The following VPS37B variants were observed in gnomAD, a reference collection of about 807,000 sequenced individuals.
The protein encoded by VPS37B is vacuolar protein sorting-associated protein 37B.
VPS37B carries 11 observed loss-of-function variants against 21.2 expected under a neutral mutation model. The ratio of observed to expected loss-of-function variants is 0.52; its 90% CI spans 0.33 to 0.86. VPS37B has a LOEUF of 0.86. VPS37B is among the 40% of genes least tolerant of loss of function. The pLI, the probability that VPS37B is intolerant of heterozygous loss-of-function variation, is 0.03. For synonymous variants in VPS37B, 175 were observed against 159.6 expected (o/e 1.10, Z -0.73); for missense variants, 389 against 374.8 (o/e 1.04, Z -0.31).
chr12:122,892,501 A>C (rs1593927900), intron 1 of VPS37B, among the ~76,000 whole-genome samples: 1 of 141,900 alleles, frequency 7.0e-6, no homozygotes, highest in East Asian at 2.0e-4. Context: ...CCTTCTGCCA[A>C]TTAAAAAAAA....
intron 2 of VPS37B, among the ~76,000 whole-genome samples, chr12:122,869,510 G>C (rs2033980112): frequency 6.6e-6 from 1 of 152,212 alleles, no homozygotes; most frequent in South Asian, 2.1e-4. Flanking sequence ...ATTCTGGTTT[G>C]GGTGTATGAT....
chr12:122,884,509 T>C (rs948856881), intron 1 of VPS37B: 3 of 152,234 alleles, frequency 2.0e-5, no homozygotes, highest in Non-Finnish European at 2.9e-5. Flanking sequence ...CATAGAACTA[T>C]TGTAATAAAA....
At chr12:122,871,271 C>T (rs1159668645) in intron 1 of VPS37B, 6 of 1,334,354 alleles carry the variant, frequency 4.5e-6, no homozygotes, top group African/African-American at 3.0e-5. Flanking sequence ...AGAATGAGGC[C>T]GACTTCCTTC....
chr12:122,865,450 G>C lies in VPS37B; in HGVS notation c.*1666C>G, dbSNP rs908277231. ...GGCCGCTTTGCAACTTCAATGCCAA[G>C]CTCACGTCTGGCTGCGACCGTGGCA... On this transcript the variant is annotated 3_prime_UTR_variant, in exon 4 of 4. Coordinates refer to ENST00000267202, the MANE Select transcript of VPS37B (RefSeq NM_024667.3). 6.6e-6 allele frequency: 1 copy of C among 152,286 alleles called. No homozygotes were observed. The highest frequency in any genetic ancestry group is 6.5e-5 in the Admixed American group (1 of 15,288). 9.4% of individuals were successfully genotyped at this position (152,286 alleles called of 1,614,324 possible).
Position 122,871,046 on chromosome 12 carries a change from G to A in VPS37B, c.127C>T (p.Leu43Phe), listed in dbSNP as rs1485585958. 1.9e-6 allele frequency: 3 copies of A among 1,614,126 alleles called. No homozygotes were observed. The African/African-American group carries it at 4.0e-5, about 22-fold the overall frequency. Reference sequence around the variant, plus strand: ...CTGGCAAGTGTCATTTCTTTGTTAAGCTGAACATTCTGTGTCTGCAAGGAA... The same window carrying A: ...CTGGCAAGTGTCATTTCTTTGTTAAACTGAACATTCTGTGTCTGCAAGGAA... Reference protein sequence around the residue: ...QKMEETQNVQLNKEMTLASNR... With the variant: ...QKMEETQNVQFNKEMTLASNR... Residue 43 changes from leucine (L) to phenylalanine (F), a missense_variant, in exon 2 of 4, where the codon CTT (leucine) becomes TTT (phenylalanine). By Grantham distance (22) the Leu-to-Phe change is conservative. Coordinates refer to ENST00000267202, the MANE Select transcript of VPS37B (RefSeq NM_024667.3).
At chr12:122,892,302 G>A (rs188378343) in intron 1 of VPS37B, among the ~76,000 whole-genome samples, 7 of 152,204 alleles carry the variant, frequency 4.6e-5, no homozygotes, top group Non-Finnish European at 1.5e-5. Context: ...CCGTAGCTCC[G>A]AAATCATGTT....
chr12:122,889,313 C>T (rs2034375649), intron 1 of VPS37B: 1 of 152,262 alleles, frequency 6.6e-6, no homozygotes, highest in Non-Finnish European at 1.5e-5. Flanking sequence ...GGTCCGAATA[C>T]CTCTCCCAGA....
In VPS37B at chr12:122,868,576, A is replaced by G; in HGVS notation, c.284-14T>C. ...TAGACTGTCTGTCTGGAAAAAAAGC[A>G]AGAGGTATGACAAAAGTGAGAGGTG... On this transcript the variant is annotated splice_polypyrimidine_tract_variant and intron_variant, in intron 2 of 3. Transcript: ENST00000267202. The surrounding 1 kb of genome is among the most constrained non-coding windows in gnomAD (Gnocchi z 5.5). The G allele has an allele frequency of 6.2e-7, 1 of 1,611,614 alleles. No individual in the cohort carries two copies. The highest frequency in any genetic ancestry group is 8.5e-7 in the Non-Finnish European group (1 of 1,179,018).
At chr12:122,877,557 A>G (rs1295774939) in intron 1 of VPS37B, 3 of 152,168 alleles carry the variant, frequency 2.0e-5, no homozygotes, top group Non-Finnish European at 4.4e-5. Flanking sequence ...ACAAGCAAGC[A>G]TCTTGTTAAA....
At chr12:122,870,039 C>CTTTTT (rs34470019) in intron 2 of VPS37B, 2 of 128,230 alleles carry the variant, frequency 1.6e-5, no homozygotes. Flanking sequence ...TTCAGTGATG[C>CTTTTT]TTTTTTTTTT....
In VPS37B at chr12:122,868,580, G is replaced by A. The variant is rs2135695910; in HGVS notation, c.284-18C>T. ...CTGTCTGTCTGGAAAAAAAGCAAGA[G>A]GTATGACAAAAGTGAGAGGTGTCCA... On this transcript the variant is annotated intron_variant, in intron 2 of 3. Transcript: ENST00000267202. The surrounding 1 kb of genome is among the most constrained non-coding windows in gnomAD (Gnocchi z 5.5). The A allele has an allele frequency of 4.3e-6, 7 of 1,610,524 alleles. No homozygotes were observed. The South Asian group carries it at 4.4e-5, about 10-fold the overall frequency.
At chr12:122,883,887 A>G (rs2034285107) in intron 1 of VPS37B, 1 of 152,234 alleles carries the variant, frequency 6.6e-6, no homozygotes, top group African/African-American at 2.4e-5. Context: ...ACAGGTGTCA[A>G]TGGTTCTGAT....
chr12:122,879,107 AG>A (rs1365928785), intron 1 of VPS37B: 3 of 152,234 alleles, frequency 2.0e-5, no homozygotes, highest in Non-Finnish European at 1.5e-5. Context: ...GAGCCTCCAG[AG>A]GGAACAGGGT....
intron 1 of VPS37B, chr12:122,871,780 G>T: frequency 1.0e-6 from 1 of 963,812 alleles, no homozygotes; most frequent in Non-Finnish European, 1.2e-6. Context: ...AGAACTTAGG[G>T]GAGAACGACA....
At chr12:122,895,527 CG>C (rs1011669104) in intron 1 of VPS37B, among the ~76,000 whole-genome samples, 3 of 151,832 alleles carry the variant, frequency 2.0e-5, no homozygotes, top group African/African-American at 7.3e-5. Flanking sequence ...CCCCCAGTTC[CG>C]TCCTCTTCCG....
intron 1 of VPS37B, chr12:122,871,489 C>A: frequency 1.0e-6 from 1 of 988,446 alleles, no homozygotes; most frequent in Non-Finnish European, 1.2e-6. Context: ...GACCAGTTGG[C>A]ATGATGTCAA....
chr12:122,876,215 A>C (rs148937641), intron 1 of VPS37B: 4 of 152,326 alleles, frequency 2.6e-5, no homozygotes, highest in Non-Finnish European at 5.9e-5. Context: ...CCCGAGTGGT[A>C]TGATTTTTTT....
chr12:122,870,918 T>C lies in VPS37B; in HGVS notation c.255A>G (p.Glu85=). The C allele has an allele frequency of 6.2e-7, 1 of 1,614,108 alleles. No homozygotes were observed. The highest frequency in any genetic ancestry group is 8.5e-7 in the Non-Finnish European group (1 of 1,179,992). ...QKYQELQVLF[E]AYQIKKTKLD... is the part of the protein sequence containing the mutation. ...ATTTGGTCTTCTTTATCTGATAGGC[T>C]TCAAAGAGAACCTGGAGTTCCTGGT... is the stretch of plus-strand genomic sequence containing the variant. The change falls in exon 2 of 4, where the codon GAA becomes GAG. Residue 85 remains glutamate (E), a synonymous_variant. Coordinates refer to ENST00000267202, the MANE Select transcript of VPS37B (RefSeq NM_024667.3).
At chr12:122,892,439 C>T (rs929695811) in intron 1 of VPS37B, among the ~76,000 whole-genome samples, 1 of 151,538 alleles carries the variant, frequency 6.6e-6, no homozygotes, top group African/African-American at 2.4e-5. Flanking sequence ...CCAGCCTCCA[C>T]AAAATATCCC....
Sources: allele counts gnomAD v4.1 joint callset (sites outside exome capture counted in the v4.1 genomes callset), GRCh38; gene constraint gnomAD v4.1.1; non-coding constraint Gnocchi (gnomAD v3.1); transcripts MANE v1.5; gene names NCBI Gene and HGNC (gene_info 2026-07-23, HGNC 2026-07-21).